PEPD: variants seen among roughly 807,000 people sequenced by gnomAD.
PEPD encodes the protein peptidase D.
In PEPD, 53 loss-of-function variants were observed where a neutral mutation model predicts 60.7. The observed-to-expected ratio is 0.87, with a 90% CI of 0.70 to 1.10. PEPD has a LOEUF of 1.10. Ranked by LOEUF, PEPD falls within the 50% of genes least tolerant of loss-of-function variation. The probability of loss-of-function intolerance (pLI) is 0.00; values close to 1 mark genes in which losing one functional copy is unlikely to be tolerated. For missense variants in PEPD, 711 were observed against 711.9 expected (o/e 1.00, Z 0.01); for synonymous variants, 267 against 284.1 (o/e 0.94, Z 0.60).
intron 6 of PEPD, among the ~76,000 whole-genome samples, chr19:33,478,919 TAA>T (rs1359030869): frequency 6.6e-6 from 1 of 152,188 alleles, no homozygotes; most frequent in African/African-American, 2.4e-5. Context: ...CAGATAAATA[TAA>T]AGACAGTATA....
intron 12 of PEPD, among the ~76,000 whole-genome samples, chr19:33,398,850 A>G (rs1968426171): frequency 6.6e-6 from 1 of 152,184 alleles, no homozygotes; most frequent in East Asian, 1.9e-4. Flanking sequence ...TCACAGGCGC[A>G]CGGGAATTCA....
At chr19:33,482,961 C>T (rs1000156493) in intron 6 of PEPD, among the ~76,000 whole-genome samples, 5 of 152,198 alleles carry the variant, frequency 3.3e-5, no homozygotes, top group Admixed American at 3.3e-4. Flanking sequence ...CTGCAGAATA[C>T]ATGCTTTCTT....
At chr19:33,425,800 C>T (rs541883581) in intron 9 of PEPD, among the ~76,000 whole-genome samples, 1 of 152,254 alleles carries the variant, frequency 6.6e-6, no homozygotes, top group South Asian at 2.1e-4. Flanking sequence ...TCTGGGAGAT[C>T]CCGCCTTAAG....
chr19:33,447,076 G>A (rs1003014501), intron 9 of PEPD, among the ~76,000 whole-genome samples: 3 of 152,206 alleles, frequency 2.0e-5, no homozygotes, highest in Admixed American at 1.3e-4. Context: ...CCCTAGCTGG[G>A]ATGCCCAGGA....
chr19:33,512,706 G>A lies in PEPD; in HGVS notation c.88C>T (p.Leu30=). ...LALFALNRQR[L]CERLRKNPAV... is the part of the protein sequence containing the mutation. ...GGGTTCTTCCGCAGCCGCTCACACA[G>A]GCGCTGCCGGTTCAAGGCAAAGAGC... Residue 30 remains leucine, a synonymous_variant, in exon 2 of 15, where the codon CTG becomes TTG. Coordinates refer to ENST00000244137, the MANE Select transcript of PEPD (RefSeq NM_000285.4). The A allele has an allele frequency of 1.2e-6, 2 of 1,614,102 alleles. No homozygotes were observed. Among genetic ancestry groups the A allele is most frequent in the South Asian group, 1.1e-5 (1 of 91,088 alleles).
intron 3 of PEPD, among the ~76,000 whole-genome samples, chr19:33,506,751 A>T (rs993170575): frequency 1.7e-5 from 2 of 120,178 alleles, no homozygotes; most frequent in Admixed American, 1.7e-4. Context: ...CCACACACAC[A>T]CCCATCACAA....
intron 1 of PEPD, among the ~76,000 whole-genome samples, chr19:33,518,246 G>A (rs1301958158): frequency 6.6e-6 from 1 of 152,172 alleles, no homozygotes; most frequent in Non-Finnish European, 1.5e-5. Flanking sequence ...GAAACCAAGA[G>A]ACAGCTGTGT....
chr19:33,467,217 T>C (rs1970037023), intron 7 of PEPD, among the ~76,000 whole-genome samples: 2 of 150,940 alleles, frequency 1.3e-5, no homozygotes, highest in African/African-American at 4.8e-5. Flanking sequence ...CTCTTGATGC[T>C]AGGAGCCTCC....
At chr19:33,434,314 GGGCA>G (rs1395506912) in intron 9 of PEPD, among the ~76,000 whole-genome samples, 1 of 152,128 alleles carries the variant, frequency 6.6e-6, no homozygotes, top group Non-Finnish European at 1.5e-5. Context: ...GGTGCACATG[GGGCA>G]GGCAAAGGGG....
intron 6 of PEPD, among the ~76,000 whole-genome samples, chr19:33,482,537 CA>C (rs1970328858): frequency 6.6e-6 from 1 of 152,200 alleles, no homozygotes; most frequent in Non-Finnish European, 1.5e-5. Flanking sequence ...AGATGAGGAA[CA>C]ATGCAAGCAT....
In PEPD at chr19:33,439,245, C is replaced by T. The variant is rs1019672242; in HGVS notation, c.671+23750G>A. Reference sequence around the variant, plus strand: ...CACATGCATCACAGCCCTGAGGGTGCCCCACTAGCACCTTAGTCCTGTGCC... The same window carrying T: ...CACATGCATCACAGCCCTGAGGGTGTCCCACTAGCACCTTAGTCCTGTGCC... On this transcript the variant is annotated intron_variant, in intron 9 of 14. Transcript: ENST00000244137. Among the ~76,000 whole-genome samples the T allele has an allele frequency of 2.6e-5, 4 of 152,206 alleles. No homozygotes were observed. The East Asian group carries it at 5.8e-4, about 22-fold the overall frequency.
intron 9 of PEPD, 77 bp from the exon 10 acceptor site, chr19:33,413,720 G>A: frequency 3.4e-6 from 3 of 881,206 alleles, no homozygotes; most frequent in Non-Finnish European, 5.5e-6. Flanking sequence ...TGAACCCCAA[G>A]GGAAGGCCCT....
intron 9 of PEPD, among the ~76,000 whole-genome samples, chr19:33,458,333 G>A (rs1407195794): frequency 6.6e-6 from 1 of 151,480 alleles, no homozygotes; most frequent in Non-Finnish European, 1.5e-5. Flanking sequence ...TGTGGTGTGT[G>A]TGGTGTGTAG....
chr19:33,393,504 C>T (rs1299754378), intron 12 of PEPD, among the ~76,000 whole-genome samples: 1 of 148,504 alleles, frequency 6.7e-6, no homozygotes. Flanking sequence ...TGAGCCTCAG[C>T]TGCCGCTGGT....
At chr19:33,404,624 G>A (rs997188862) in intron 11 of PEPD, among the ~76,000 whole-genome samples, 33 of 152,116 alleles carry the variant, frequency 2.2e-4, no homozygotes, top group Non-Finnish European at 5.9e-5. Context: ...TGGGTGCCTG[G>A]ATATCATCCG....
chr19:33,476,885 G>A (rs1397862856), intron 7 of PEPD, among the ~76,000 whole-genome samples: 3 of 151,912 alleles, frequency 2.0e-5, no homozygotes, highest in South Asian at 4.1e-4. Context: ...GGATGGTCTC[G>A]ATCTCCTGAC....
chr19:33,432,611 T>C (rs951426659), intron 9 of PEPD, among the ~76,000 whole-genome samples: 1 of 152,260 alleles, frequency 6.6e-6, no homozygotes, highest in Non-Finnish European at 1.5e-5. Context: ...GAAGCCTCTT[T>C]GTCCAGGAGG....
intron 7 of PEPD, among the ~76,000 whole-genome samples, chr19:33,471,123 A>G (rs571761390): frequency 7.3e-4 from 111 of 151,030 alleles, no homozygotes; most frequent in African/African-American, 2.5e-3. Flanking sequence ...GGGGAAGTGG[A>G]AAAAAAAAAT....
intron 1 of PEPD, among the ~76,000 whole-genome samples, chr19:33,519,707 C>T (rs1191850672): frequency 2.0e-5 from 3 of 152,172 alleles, no homozygotes; most frequent in African/African-American, 7.2e-5. Context: ...TAAGACCTGC[C>T]ACTCTGTTTT....
Sources: allele counts gnomAD v4.1 joint callset (sites outside exome capture counted in the v4.1 genomes callset), GRCh38; gene constraint gnomAD v4.1.1; transcripts MANE v1.5; gene names NCBI Gene and HGNC (gene_info 2026-07-23, HGNC 2026-07-21).